Variants in OR56A3 observed in about 807,000 individuals in gnomAD.
The protein encoded by OR56A3 is olfactory receptor 56A3.
A neutral mutation model predicts 17.5 loss-of-function variants in OR56A3; 23 were observed. The observed-to-expected ratio is 1.32, with a 90% confidence interval of 0.95 to 1.87. The LOEUF (loss-of-function observed/expected upper bound fraction) is 1.87. OR56A3 is among the 40% of genes most tolerant of loss of function. The pLI is 0.00. For synonymous variants in OR56A3, 175 were observed against 150.6 expected (o/e 1.16, Z -1.19); for missense variants, 366 against 380.1 (o/e 0.96, Z 0.31).
At chr11:5,972,048 A>C in the OR56A3 span, among the ~76,000 whole-genome samples, 1,317 of 152,342 alleles carry the variant, frequency 8.6e-3, 15 homozygotes, top group African/African-American at 0.031. Context: ...TTTTTCTCTC[A>C]TTAACACTGG....
chr11:6,007,870 A>G, the OR56A3 span, among the ~76,000 whole-genome samples: 1 of 152,182 alleles, frequency 6.6e-6, no homozygotes, highest in Non-Finnish European at 1.5e-5. Flanking sequence ...TGGGAGTATC[A>G]GTGGTCTGGA....
Position 5,948,347 on chromosome 11 carries a change from T to A in OR56A3, c.*53T>A. On this transcript the variant is annotated 3_prime_UTR_variant, in exon 3 of 3. Coordinates refer to ENST00000641160, the MANE Select transcript of OR56A3 (RefSeq NM_001003443.3). ...AAAATAAGATAATTTATTAATCACT[T>A]AATGAGTGAGTGGGCTGAAATTCAT... The A allele has an allele frequency of 9.5e-6, 12 of 1,259,318 alleles. 2 individuals carry two copies. The South Asian group carries it at 1.5e-4, about 16-fold the overall frequency. 78.0% of individuals were successfully genotyped at this position (1,259,318 alleles called of 1,614,324 possible).
downstream of OR56A3, among the ~76,000 whole-genome samples, chr11:5,954,171 G>A (rs543701886): frequency 6.6e-6 from 1 of 152,164 alleles, no homozygotes; most frequent in Non-Finnish European, 1.5e-5. Context: ...CAATGATAAA[G>A]TGTGTGTGAG....
the OR56A3 span, chr11:6,006,897 T>A: frequency 6.6e-6 from 1 of 152,538 alleles, no homozygotes; most frequent in South Asian, 2.1e-4. Flanking sequence ...ATAATTTCCT[T>A]GGCCCCACCT....
the OR56A3 span, among the ~76,000 whole-genome samples, chr11:5,975,918 T>TA: frequency 6.6e-6 from 1 of 151,754 alleles, no homozygotes; most frequent in African/African-American, 2.4e-5. Context: ...ATATTAAATT[T>TA]AAAAAAAGAA....
the OR56A3 span, among the ~76,000 whole-genome samples, chr11:5,996,685 G>A: frequency 1.3e-5 from 2 of 152,284 alleles, no homozygotes; most frequent in Non-Finnish European, 2.9e-5. Flanking sequence ...AACAACTACA[G>A]CTTCAGATAT....
At chr11:5,999,413 A>G in the OR56A3 span, 1 of 152,372 alleles carries the variant, frequency 6.6e-6, no homozygotes, top group African/African-American at 2.4e-5. Flanking sequence ...CTCTTTGAAA[A>G]AACAATAAAA....
the OR56A3 span, among the ~76,000 whole-genome samples, chr11:6,015,399 G>A: frequency 6.6e-6 from 1 of 152,140 alleles, no homozygotes; most frequent in Non-Finnish European, 1.5e-5. Context: ...CACTGCTTCA[G>A]AGAGTGCAAT....
chr11:6,013,943 A>G, the OR56A3 span, among the ~76,000 whole-genome samples: 2 of 152,168 alleles, frequency 1.3e-5, no homozygotes, highest in Non-Finnish European at 2.9e-5. Context: ...TGCCAACACA[A>G]TGCATGCTAC....
chr11:5,993,805 A>T, the OR56A3 span: 1 of 278,218 alleles, frequency 3.6e-6, no homozygotes, highest in Non-Finnish European at 7.1e-6. Context: ...CATGTAACCA[A>T]CATTTTTTTT....
the OR56A3 span, among the ~76,000 whole-genome samples, chr11:5,961,668 C>T: frequency 6.6e-6 from 1 of 151,536 alleles, no homozygotes; most frequent in Non-Finnish European, 1.5e-5. Flanking sequence ...ACATGTTTAT[C>T]TGCTGACCTT....
downstream of OR56A3, among the ~76,000 whole-genome samples, chr11:5,955,194 T>C (rs1847926238): frequency 6.6e-6 from 1 of 152,132 alleles, no homozygotes; most frequent in Non-Finnish European, 1.5e-5. Flanking sequence ...TAATCTGTAG[T>C]AGTATGTAAC....
chr11:6,011,204 T>TATACACATATATATATA, the OR56A3 span, among the ~76,000 whole-genome samples: 1 of 122,526 alleles, frequency 8.2e-6, no homozygotes, highest in East Asian at 2.1e-4. Flanking sequence ...GAGATTTATT[T>TATACACATATATATATA]TATATATATA....
At chr11:6,011,086 T>C in the OR56A3 span, among the ~76,000 whole-genome samples, 1 of 152,056 alleles carries the variant, frequency 6.6e-6, no homozygotes, top group South Asian at 2.1e-4. Context: ...TAAATGCTCC[T>C]ATCACAGCCA....
chr11:5,947,217 C>T (rs962934392), intron 2 of OR56A3, 94 bp from the exon 3 acceptor site: 5 of 828,818 alleles, frequency 6.0e-6, no homozygotes, highest in East Asian at 2.7e-5. Flanking sequence ...TCTACATAAC[C>T]TGCTAGAAAC....
chr11:6,015,508 C>T, the OR56A3 span, among the ~76,000 whole-genome samples: 1 of 152,230 alleles, frequency 6.6e-6, no homozygotes. Flanking sequence ...CTAGGGCTGC[C>T]AGCAGCTTGC....
At chr11:5,959,666 T>G in the OR56A3 span, among the ~76,000 whole-genome samples, 1 of 152,220 alleles carries the variant, frequency 6.6e-6, no homozygotes, top group Non-Finnish European at 1.5e-5. Context: ...ACAAAACTTT[T>G]TAGTTTAGTA....
the OR56A3 span, chr11:5,994,434 G>T: frequency 1.4e-6 from 1 of 733,162 alleles, no homozygotes; most frequent in Non-Finnish European, 2.5e-6. Flanking sequence ...ATCTTGGCAT[G>T]GTCCTGAGAT....
the OR56A3 span, among the ~76,000 whole-genome samples, chr11:5,965,768 T>C: frequency 5.9e-5 from 9 of 152,206 alleles, no homozygotes; most frequent in South Asian, 4.1e-4. Flanking sequence ...ATTAATTCCA[T>C]TGGGGTAAAT....
Sources: allele counts gnomAD v4.1 joint callset (sites outside exome capture counted in the v4.1 genomes callset), GRCh38; gene constraint gnomAD v4.1.1; transcripts MANE v1.5; gene names NCBI Gene and HGNC (gene_info 2026-07-23, HGNC 2026-07-21).